LRP5: variants seen among roughly 807,000 people sequenced by gnomAD.
The protein encoded by LRP5 is low-density lipoprotein receptor-related protein 5.
LRP5 carries 62 observed loss-of-function variants against 154.1 expected under a neutral mutation model. The ratio of observed to expected loss-of-function variants is 0.40; its 90% confidence interval spans 0.33 to 0.50. LRP5 has a LOEUF of 0.50. Ranked by LOEUF, LRP5 falls within the 20% of genes least tolerant of loss-of-function variation. The pLI is 0.55. For missense variants in LRP5, 1,915 were observed against 2,336.7 expected (o/e 0.82, Z 3.72); for synonymous variants, 966 against 1,011.5 (o/e 0.96, Z 0.85).
Position 68,353,342 on chromosome 11 carries a change from C to T in LRP5, c.489-4308C>T, listed in dbSNP as rs755108336. On this transcript the variant is annotated intron_variant, in intron 2 of 22. Coordinates refer to ENST00000294304, the MANE Select transcript of LRP5 (RefSeq NM_002335.4). This position sits in a 1 kb window ranked among gnomAD's most constrained non-coding sequence, Gnocchi z 4.5. ...TGAGAGAGTGAAAACAGTGAGATGC[C>T]GGCTCCCACTCATCAGATCCAGTGA... Among the ~76,000 whole-genome samples the T allele has an allele frequency of 1.3e-5, 2 of 152,094 alleles. No homozygotes were observed. The highest frequency in any genetic ancestry group is 2.9e-5 in the Non-Finnish European group (2 of 68,010).
intron 1 of LRP5, among the ~76,000 whole-genome samples, chr11:68,335,074 C>CTT (rs35822609): frequency 1.6e-3 from 203 of 123,590 alleles, no homozygotes; most frequent in East Asian, 2.9e-3. Context: ...CCTGACCTGG[C>CTT]TTTTTTTTTT....
intron 20 of LRP5, 85 bp downstream of exon 20, chr11:68,438,767 C>T (rs2098676502): frequency 1.7e-6 from 2 of 1,183,742 alleles, no homozygotes; most frequent in Admixed American, 1.9e-5. Context: ...GGATGTGCTA[C>T]CCCAGGCCCT....
At chr11:68,355,155 C>A (rs1008425678) in intron 2 of LRP5, among the ~76,000 whole-genome samples, 1 of 152,122 alleles carries the variant, frequency 6.6e-6, no homozygotes, top group African/African-American at 2.4e-5. Flanking sequence ...CTGCAGAGCA[C>A]CATGGTGGGG....
At chr11:68,371,267 T>C (rs892042104) in intron 5 of LRP5, among the ~76,000 whole-genome samples, 1 of 152,194 alleles carries the variant, frequency 6.6e-6, no homozygotes, top group African/African-American at 2.4e-5. Flanking sequence ...GATCTTCCCA[T>C]ATTTCTTAAT....
At chr11:68,362,284 C>G (rs560416153) in intron 3 of LRP5, among the ~76,000 whole-genome samples, 1 of 152,072 alleles carries the variant, frequency 6.6e-6, no homozygotes, top group Non-Finnish European at 1.5e-5. Context: ...TGACTGCTGC[C>G]GGGTGTGGGG....
At chr11:68,345,352 A>T (rs1416144008) in intron 1 of LRP5, among the ~76,000 whole-genome samples, 5 of 152,080 alleles carry the variant, frequency 3.3e-5, no homozygotes, top group Admixed American at 3.3e-4. Flanking sequence ...CAGTGGCGCA[A>T]TCTTGGCTCA....
Position 68,398,374 on chromosome 11 carries a change from G to A in LRP5, c.1585-5109G>A, listed in dbSNP as rs373590588. Among the ~76,000 whole-genome samples the A allele has an allele frequency of 4.7e-4, 71 of 152,342 alleles. 1 individual carries two copies. In the South Asian group the frequency reaches 0.014, roughly 29 times the overall value. ...CGGCCGGCCCATTCCTTGGTGTGCT[G>A]GTCAGGGGGGCGTGCGCCTGCTCTG... On this transcript the variant is annotated intron_variant, in intron 7 of 22. Coordinates refer to ENST00000294304, the MANE Select transcript of LRP5 (RefSeq NM_002335.4).
chr11:68,303,182 A>G, the LRP5 span, among the ~76,000 whole-genome samples: 1 of 152,118 alleles, frequency 6.6e-6, no homozygotes, highest in Non-Finnish European at 1.5e-5. Flanking sequence ...CCCAAGCTGG[A>G]CTGCAGTGAT....
chr11:68,404,277 G>A (rs2098654290), intron 8 of LRP5: 3 of 529,074 alleles, frequency 5.7e-6, no homozygotes, highest in Non-Finnish European at 3.7e-6. Context: ...GACAGGCCTG[G>A]GGCTCGCGGG....
chr11:68,302,168 C>T, the LRP5 span, among the ~76,000 whole-genome samples: 2 of 150,992 alleles, frequency 1.3e-5, no homozygotes, highest in Non-Finnish European at 1.5e-5. Context: ...ACCAGCCTGG[C>T]CATCTCATCT....
chr11:68,393,530 C>T (rs967241836), intron 7 of LRP5, among the ~76,000 whole-genome samples: 33 of 152,350 alleles, frequency 2.2e-4, no homozygotes, highest in African/African-American at 7.7e-4. Context: ...CCTGTAATCC[C>T]AGCACTTTGG....
At chr11:68,351,064 G>A (rs1322871456) in intron 2 of LRP5, among the ~76,000 whole-genome samples, 1 of 152,214 alleles carries the variant, frequency 6.6e-6, no homozygotes, top group Non-Finnish European at 1.5e-5. Flanking sequence ...GCGCGAGAGT[G>A]TCTGCATCTG....
At chr11:68,390,102 C>A (rs770650710) in intron 7 of LRP5, 50 bp downstream of exon 7, 4 of 1,602,510 alleles carry the variant, frequency 2.5e-6, no homozygotes, top group Non-Finnish European at 3.4e-6. Context: ...CCCAGCCACC[C>A]CCTGCAGCCA....
At chr11:68,419,397 T>C (rs1202243505) in intron 13 of LRP5, among the ~76,000 whole-genome samples, 1 of 151,582 alleles carries the variant, frequency 6.6e-6, no homozygotes, top group Non-Finnish European at 1.5e-5. Flanking sequence ...CACATCTGGC[T>C]GATTTTTTGT....
At chr11:68,338,904 C>A (rs1320957154) in intron 1 of LRP5, among the ~76,000 whole-genome samples, 1 of 105,260 alleles carries the variant, frequency 9.5e-6, no homozygotes, top group African/African-American at 3.7e-5. Flanking sequence ...GACAGAATCT[C>A]ACTCTGTCAC....
intron 1 of LRP5, among the ~76,000 whole-genome samples, chr11:68,323,358 T>G (rs757576269): frequency 1.3e-5 from 2 of 152,182 alleles, no homozygotes. Context: ...TCCACTTGCC[T>G]CAGCCTCCCA....
intron 3 of LRP5, 76 bp downstream of exon 3, chr11:68,357,923 C>T (rs1343453855): frequency 8.9e-6 from 12 of 1,348,186 alleles, no homozygotes; most frequent in Non-Finnish European, 1.2e-5. Context: ...CTTCTTAACT[C>T]AGGCCTACAG....
chr11:68,344,822 T>C (rs2098611388), intron 1 of LRP5, among the ~76,000 whole-genome samples: 1 of 150,304 alleles, frequency 6.7e-6, no homozygotes, highest in Non-Finnish European at 1.5e-5. Flanking sequence ...GTTTCATCCA[T>C]GTTGTAGCAT....
chr11:68,341,760 C>T (rs547049562), intron 1 of LRP5, among the ~76,000 whole-genome samples: 77 of 152,088 alleles, frequency 5.1e-4, no homozygotes, highest in African/African-American at 1.5e-3. Context: ...TGCAGCCCCC[C>T]GACCCACTTC....
Sources: allele counts gnomAD v4.1 joint callset (sites outside exome capture counted in the v4.1 genomes callset), GRCh38; gene constraint gnomAD v4.1.1; non-coding constraint Gnocchi (gnomAD v3.1); transcripts MANE v1.5; gene names NCBI Gene and HGNC (gene_info 2026-07-23, HGNC 2026-07-21).